Variants in GALNTL6 observed in about 807,000 individuals in gnomAD.
The protein encoded by GALNTL6 is polypeptide N-acetylgalactosaminyltransferase like 6.
GALNTL6 carries 46 observed loss-of-function variants against 73.7 expected under a neutral mutation model. The observed-to-expected ratio is 0.62, with a 90% CI of 0.49 to 0.80. The LOEUF (loss-of-function observed/expected upper bound fraction) is 0.80. Among genes scored for constraint, GALNTL6 ranks in the 30% least tolerant of loss-of-function variants. The pLI is 0.00. For missense variants in GALNTL6, 604 were observed against 755.0 expected (o/e 0.80, Z 2.34); for synonymous variants, 259 against 263.7 (o/e 0.98, Z 0.17).
At chr4:171,897,496 AATCT>A (rs920374592) in intron 2 of GALNTL6, among the ~76,000 whole-genome samples, 1 of 152,148 alleles carries the variant, frequency 6.6e-6, no homozygotes, top group Admixed American at 6.5e-5. Flanking sequence ...TCCAAATTAA[AATCT>A]ATTATTCTTT....
chr4:172,133,149 T>C (rs1421243719), intron 2 of GALNTL6, among the ~76,000 whole-genome samples: 5 of 152,206 alleles, frequency 3.3e-5, no homozygotes, highest in Non-Finnish European at 7.3e-5. Context: ...TTCTGGGCTG[T>C]CCATTAGATC....
At chr4:172,758,831 A>T (rs1284519305) in intron 5 of GALNTL6, among the ~76,000 whole-genome samples, 1 of 152,194 alleles carries the variant, frequency 6.6e-6, no homozygotes, top group Non-Finnish European at 1.5e-5. Context: ...GAGTTATCAG[A>T]TCATAGTATA....
chr4:172,649,817 C>T (rs1053431668), intron 5 of GALNTL6, among the ~76,000 whole-genome samples: 2 of 151,996 alleles, frequency 1.3e-5, no homozygotes, highest in African/African-American at 4.8e-5. Context: ...TCAAAGTGAC[C>T]TTATACTTGT....
intron 2 of GALNTL6, among the ~76,000 whole-genome samples, chr4:171,831,383 ATAAT>A (rs142915221): frequency 0.012 from 1,864 of 152,094 alleles, 35 homozygotes; most frequent in African/African-American, 0.042. Flanking sequence ...TACTGTTATG[ATAAT>A]TAAATAACAT....
intron 5 of GALNTL6, among the ~76,000 whole-genome samples, chr4:172,770,018 C>A (rs573772380): frequency 6.6e-6 from 1 of 152,260 alleles, no homozygotes; most frequent in African/African-American, 2.4e-5. Context: ...AATCCCAGCA[C>A]TTTGGGAGGC....
At chr4:171,988,889 C>T (rs182238992) in intron 2 of GALNTL6, among the ~76,000 whole-genome samples, 92 of 151,744 alleles carry the variant, frequency 6.1e-4, no homozygotes, top group Admixed American at 1.4e-3. Flanking sequence ...GGTGGGGAGA[C>T]ACAAGGGGAG....
chr4:172,692,299 T>C (rs1168387944), intron 5 of GALNTL6, among the ~76,000 whole-genome samples: 1 of 152,124 alleles, frequency 6.6e-6, no homozygotes, highest in Non-Finnish European at 1.5e-5. Context: ...TATAACTATC[T>C]CTGCAATTAA....
intron 7 of GALNTL6, among the ~76,000 whole-genome samples, chr4:172,878,387 T>A (rs756384035): frequency 6.6e-6 from 1 of 151,924 alleles, no homozygotes; most frequent in Non-Finnish European, 1.5e-5. Flanking sequence ...TATTTAAATC[T>A]TTTTAAAAGT....
At chr4:172,266,743 A>C (rs1738466234) in intron 3 of GALNTL6, among the ~76,000 whole-genome samples, 1 of 151,928 alleles carries the variant, frequency 6.6e-6, no homozygotes. Flanking sequence ...TTTTTATGGC[A>C]TTTTGAGACT....
At chr4:172,471,319 A>G (rs1733040099) in intron 5 of GALNTL6, among the ~76,000 whole-genome samples, 1 of 152,206 alleles carries the variant, frequency 6.6e-6, no homozygotes, top group Admixed American at 6.5e-5. Flanking sequence ...AAGTGTTAGT[A>G]TTTTATTGCA....
At chr4:172,829,100 G>A (rs980313492) in intron 7 of GALNTL6, among the ~76,000 whole-genome samples, 6 of 152,178 alleles carry the variant, frequency 3.9e-5, no homozygotes, top group African/African-American at 1.2e-4. Context: ...TCTCCCTTCT[G>A]TATGTGTATG....
chr4:172,426,647 A>G (rs1731241025), intron 5 of GALNTL6, among the ~76,000 whole-genome samples: 1 of 152,194 alleles, frequency 6.6e-6, no homozygotes, highest in Non-Finnish European at 1.5e-5. Context: ...AATTTGTAAC[A>G]AGCTGTCTGC....
intron 2 of GALNTL6, among the ~76,000 whole-genome samples, chr4:171,898,146 C>A (rs1039078494): frequency 6.6e-6 from 1 of 152,006 alleles, no homozygotes. Flanking sequence ...CACTATTCAT[C>A]ATAGAAATGC....
At position 172,070,672 on chromosome 4, in the gene GALNTL6, T is replaced by C. The variant is rs1271382309; in HGVS notation, c.139-158984T>C. On this transcript the variant is annotated intron_variant, in intron 2 of 12. Transcript: ENST00000506823. ...CCAGAACTATGAGCTAAATACACTT[T>C]TGAAAAAAATAAATTACCCAGTCTG... Among the ~76,000 whole-genome samples, 5 of 109,544 alleles carry C rather than the reference T, an allele frequency of 4.6e-5. 1 individual carries two copies. Among genetic ancestry groups the C allele is most frequent in the Non-Finnish European group, 1.0e-4 (5 of 49,376 alleles). 71.9% of individuals were successfully genotyped at this position (109,544 alleles called of 152,430 possible). A position where few individuals can be genotyped will look rare whatever the true frequency, so the allele number is the denominator to read the frequency against.
At chr4:172,353,745 T>C (rs1742049767) in intron 5 of GALNTL6, among the ~76,000 whole-genome samples, 1 of 151,978 alleles carries the variant, frequency 6.6e-6, no homozygotes, top group African/African-American at 2.4e-5. Flanking sequence ...ATACAATATG[T>C]ATGTATACAT....
At chr4:171,994,701 G>C (rs961279915) in intron 2 of GALNTL6, among the ~76,000 whole-genome samples, 1 of 150,800 alleles carries the variant, frequency 6.6e-6, no homozygotes, top group Non-Finnish European at 1.5e-5. Context: ...TTGTTGCTGT[G>C]TTATTGCTAT....
At chr4:172,971,943 C>A (rs1031690017) in intron 10 of GALNTL6, among the ~76,000 whole-genome samples, 2 of 151,862 alleles carry the variant, frequency 1.3e-5, no homozygotes, top group Non-Finnish European at 2.9e-5. Flanking sequence ...ATGAGACATA[C>A]CTAAGTCAAA....
intron 3 of GALNTL6, among the ~76,000 whole-genome samples, chr4:172,294,028 A>G (rs1739571620): frequency 6.6e-6 from 1 of 151,240 alleles, no homozygotes; most frequent in Non-Finnish European, 1.5e-5. Context: ...CAGCCTCTAT[A>G]TTTTCCTTAT....
intron 2 of GALNTL6, among the ~76,000 whole-genome samples, chr4:172,113,114 T>A (rs1453277811): frequency 6.6e-6 from 1 of 151,902 alleles, no homozygotes; most frequent in Non-Finnish European, 1.5e-5. Context: ...TTTTTTAGAA[T>A]GTCTTTTGTT....
Sources: gnomAD v4.1 joint callset for allele counts (sites outside exome capture counted in the v4.1 genomes callset) on GRCh38, gnomAD v4.1.1 for gene constraint, MANE v1.5 for transcripts, NCBI Gene and HGNC (gene_info 2026-07-23, HGNC 2026-07-21) for gene names.